GRIK2: variants seen among roughly 807,000 people sequenced by gnomAD.
The protein encoded by GRIK2 is glutamate ionotropic receptor kainate type subunit 2, also known as glutamate receptor ionotropic, kainate 2.
Under a neutral mutation model 100.3 loss-of-function variants are expected in GRIK2, and 32 were observed. The observed-to-expected ratio is 0.32, with a 90% confidence interval of 0.24 to 0.43. The LOEUF is 0.43. Ranked by LOEUF, GRIK2 falls within the 20% of genes least tolerant of loss-of-function variation. The probability of loss-of-function intolerance (pLI) is 1.00; values close to 1 mark genes in which losing one functional copy is unlikely to be tolerated. For synonymous variants in GRIK2, 417 were observed against 389.4 expected (o/e 1.07, Z -0.83); for missense variants, 843 against 1,114.9 (o/e 0.76, Z 3.47).
In GRIK2 at chr6:101,419,104, G is replaced by T. The variant is rs186928845; in HGVS notation, c.115+19712G>T. ...TTACTCTTATCTGACTCTTTTTCTG[G>T]GGTAGACAGCTATGATGACTTTTTG... is the stretch of plus-strand genomic sequence containing the variant. On this transcript the variant is annotated intron_variant, in intron 2 of 16. Coordinates refer to ENST00000369134, the MANE Select transcript of GRIK2 (RefSeq NM_021956.5). Among the ~76,000 whole-genome samples the T allele has an allele frequency of 3.0e-3, 454 of 152,176 alleles. 3 individuals carry two copies. The highest frequency in any genetic ancestry group is 0.01 in the Admixed American group (154 of 15,292).
At position 101,435,629 on chromosome 6, in the gene GRIK2, A is replaced by T. The variant is rs1358763236; in HGVS notation, c.115+36237A>T. ...TTGCACACATGATTTCTAAATCTCT[A>T]TCTCTAGTTGTGTCTTCTTTCCATG... is the stretch of plus-strand genomic sequence containing the variant. On this transcript the variant is annotated intron_variant, in intron 2 of 16. Transcript: ENST00000369134. 3.3e-5 allele frequency among the ~76,000 whole-genome samples: 5 copies of T among 152,010 alleles called. No homozygotes were observed. In the East Asian group the frequency reaches 5.8e-4, roughly 18 times the overall value.
At chr6:101,820,887 T>G (rs1293192979) in intron 10 of GRIK2, among the ~76,000 whole-genome samples, 2 of 152,212 alleles carry the variant, frequency 1.3e-5, no homozygotes, top group Non-Finnish European at 1.5e-5. Flanking sequence ...GTATACTTTA[T>G]GTACCAGAAT....
chr6:102,014,398 C>T (rs1795719247), intron 14 of GRIK2, among the ~76,000 whole-genome samples: 1 of 151,828 alleles, frequency 6.6e-6, no homozygotes, highest in Non-Finnish European at 1.5e-5. Flanking sequence ...CCCACTCCTG[C>T]CTTCACTGAT....
chr6:101,917,484 C>A (rs947099099), intron 12 of GRIK2, among the ~76,000 whole-genome samples: 5 of 151,546 alleles, frequency 3.3e-5, no homozygotes, highest in African/African-American at 2.4e-5. Flanking sequence ...GGCTTATAGT[C>A]ATTCTGTGAA....
chr6:101,434,401 G>C (rs1769599915), intron 2 of GRIK2, among the ~76,000 whole-genome samples: 1 of 152,166 alleles, frequency 6.6e-6, no homozygotes, highest in South Asian at 2.1e-4. Context: ...CAATGGCAAA[G>C]TCTTGGTCCA....
chr6:101,898,215 T>TA (rs1787603198), intron 12 of GRIK2, among the ~76,000 whole-genome samples: 1 of 151,866 alleles, frequency 6.6e-6, no homozygotes, highest in Admixed American at 6.6e-5. Context: ...TGAATGCTGT[T>TA]ATTGTAACAC....
chr6:101,551,938 C>T (rs184563359), intron 2 of GRIK2, among the ~76,000 whole-genome samples: 98 of 152,238 alleles, frequency 6.4e-4, no homozygotes, highest in African/African-American at 2.3e-3. Flanking sequence ...AAAGCTTCTG[C>T]ACCAAGCATA....
chr6:101,927,930 T>G (rs1790010143), intron 13 of GRIK2: 1 of 157,350 alleles, frequency 6.4e-6, no homozygotes, highest in African/African-American at 2.4e-5. Flanking sequence ...ATACGTAACT[T>G]TTAAAAATAA....
chr6:101,586,639 C>G (rs1778376442), intron 2 of GRIK2, among the ~76,000 whole-genome samples: 1 of 151,736 alleles, frequency 6.6e-6, no homozygotes, highest in Non-Finnish European at 1.5e-5. Context: ...GGGGCTGAGG[C>G]AGGTGGATTG....
chr6:101,431,689 G>A (rs2518157), intron 2 of GRIK2: 81,554 of 152,028 alleles, frequency 0.54, 22,351 homozygotes, highest in East Asian at 0.87. Flanking sequence ...CTTGTTTTTA[G>A]CATCAGTTTG....
At chr6:101,793,329 C>G (rs1452117220) in intron 7 of GRIK2, among the ~76,000 whole-genome samples, 4 of 152,074 alleles carry the variant, frequency 2.6e-5, no homozygotes, top group Non-Finnish European at 5.9e-5. Flanking sequence ...TTTTCCCCAT[C>G]TTTGTGGTAT....
Position 101,948,257 on chromosome 6 carries a change from A to T in GRIK2, c.2085+19625A>T, listed in dbSNP as rs1032525261. On this transcript the variant is annotated intron_variant, in intron 14 of 16. Transcript: ENST00000369134. Reference sequence around the variant, plus strand: ...TGAATACTGAGTAATTATATTTATTATGTCCTTATTCCTGTGTCTTCAAAA... The same window carrying T: ...TGAATACTGAGTAATTATATTTATTTTGTCCTTATTCCTGTGTCTTCAAAA... Among the ~76,000 whole-genome samples, 5 of 151,506 alleles carry T rather than the reference A, an allele frequency of 3.3e-5. No individual in the cohort carries two copies. In the South Asian group the frequency reaches 1.0e-3, roughly 31 times the overall value.
rs145876822 is a variant in GRIK2, at chr6:101,829,725, A to G, written c.1317+11242A>G. ...TCTTTATGAGGAGCACTAAAGACAA[A>G]ACAACAACAACAGCAACAACAAAAT... On this transcript the variant is annotated intron_variant, in intron 10 of 16. Transcript: ENST00000369134. Among the ~76,000 whole-genome samples the G allele has an allele frequency of 4.1e-3, 616 of 152,020 alleles. 5 individuals carry two copies. The highest frequency in any genetic ancestry group is 0.014 in the African/African-American group (590 of 41,526).
intron 2 of GRIK2, among the ~76,000 whole-genome samples, chr6:101,596,239 T>G (rs926886085): frequency 7.9e-5 from 12 of 151,144 alleles, no homozygotes; most frequent in African/African-American, 2.9e-4. Context: ...CTTTTTTTTT[T>G]TTCCTCTCAG....
At chr6:101,466,904 G>A (rs1483015576) in intron 2 of GRIK2, among the ~76,000 whole-genome samples, 4 of 152,074 alleles carry the variant, frequency 2.6e-5, no homozygotes, top group Admixed American at 2.6e-4. Flanking sequence ...CTTAAAGGAT[G>A]GATGAATTTT....
intron 11 of GRIK2, among the ~76,000 whole-genome samples, chr6:101,878,063 G>A (rs550783434): frequency 2.7e-4 from 38 of 141,522 alleles, no homozygotes; most frequent in South Asian, 2.2e-3. Flanking sequence ...GCTTAGAATC[G>A]TGCCAGGTAT....
At chr6:101,750,532 A>G (rs1256946249) in intron 7 of GRIK2, among the ~76,000 whole-genome samples, 3 of 152,346 alleles carry the variant, frequency 2.0e-5, no homozygotes, top group African/African-American at 7.2e-5. Context: ...TATTTCTTCC[A>G]TGGCTAGCTG....
intron 2 of GRIK2, among the ~76,000 whole-genome samples, chr6:101,590,338 T>C (rs1166033358): frequency 6.6e-6 from 1 of 152,078 alleles, no homozygotes; most frequent in African/African-American, 2.4e-5. Flanking sequence ...GAGAGCAATG[T>C]ACAGTATAGC....
intron 4 of GRIK2, among the ~76,000 whole-genome samples, chr6:101,639,008 A>G (rs1582874094): frequency 6.6e-6 from 1 of 152,186 alleles, no homozygotes; most frequent in African/African-American, 2.4e-5. Context: ...CAAACAAAAA[A>G]TAGTTCAGTG....
Sources: allele counts gnomAD v4.1 joint callset (sites outside exome capture counted in the v4.1 genomes callset), GRCh38; gene constraint gnomAD v4.1.1; transcripts MANE v1.5; gene names NCBI Gene and HGNC (gene_info 2026-07-23, HGNC 2026-07-21).